The following LARGE1 variants were observed in gnomAD, a reference collection of about 807,000 sequenced individuals.
LARGE1 encodes the protein LARGE xylosyl- and glucuronyltransferase 1.
In LARGE1, 43 loss-of-function variants were observed where a neutral mutation model predicts 87.6. The ratio of observed to expected loss-of-function variants is 0.49; its 90% CI spans 0.38 to 0.63. The LOEUF (loss-of-function observed/expected upper bound fraction) is 0.63. Ranked by LOEUF, LARGE1 falls within the 30% of genes least tolerant of loss-of-function variation. LARGE1 has a pLI of 0.00. For synonymous variants in LARGE1, 434 were observed against 394.6 expected (o/e 1.10, Z -1.18); for missense variants, 802 against 1,000.2 (o/e 0.80, Z 2.67).
intron 6 of LARGE1, among the ~76,000 whole-genome samples, chr22:33,544,901 C>T (rs1386720538): frequency 6.6e-6 from 1 of 152,112 alleles, no homozygotes; most frequent in African/African-American, 2.4e-5. Flanking sequence ...ATCAACACCC[C>T]TCAAACACAC....
chr22:33,302,607 T>C (rs1308266437), intron 12 of LARGE1, among the ~76,000 whole-genome samples: 1 of 152,074 alleles, frequency 6.6e-6, no homozygotes, highest in Non-Finnish European at 1.5e-5. Context: ...GAAGCTCTTT[T>C]CAGAGAGAAA....
intron 12 of LARGE1, among the ~76,000 whole-genome samples, chr22:33,293,808 T>C (rs997909112): frequency 2.6e-5 from 4 of 152,338 alleles, no homozygotes; most frequent in South Asian, 4.1e-4. Context: ...GAGCCTCCTA[T>C]ACTGGCTATT....
At chr22:33,915,046 G>GAGAC (rs1555892461) in intron 1 of LARGE1, among the ~76,000 whole-genome samples, 22 of 123,046 alleles carry the variant, frequency 1.8e-4, no homozygotes, top group Admixed American at 3.4e-4. Flanking sequence ...CACACACAGA[G>GAGAC]AGAGAGAGAG....
At chr22:33,853,632 T>C (rs1014388526) in intron 1 of LARGE1, among the ~76,000 whole-genome samples, 2 of 152,214 alleles carry the variant, frequency 1.3e-5, no homozygotes, top group Non-Finnish European at 2.9e-5. Context: ...TCACAGACAG[T>C]TGTGAGGCTT....
intron 1 of LARGE1, among the ~76,000 whole-genome samples, chr22:33,764,561 C>A (rs1318434254): frequency 6.6e-6 from 1 of 152,008 alleles, no homozygotes; most frequent in African/African-American, 2.4e-5. Context: ...AGTTTGAGAC[C>A]AGCCTGGCCA....
At chr22:33,825,238 C>G (rs905830022) in intron 1 of LARGE1, among the ~76,000 whole-genome samples, 9 of 152,152 alleles carry the variant, frequency 5.9e-5, no homozygotes, top group African/African-American at 2.2e-4. Flanking sequence ...TTCCAGAGAA[C>G]AGTTTGTTCA....
intron 2 of LARGE1, among the ~76,000 whole-genome samples, chr22:33,667,976 C>A (rs2081313292): frequency 6.6e-6 from 1 of 152,134 alleles, no homozygotes; most frequent in Admixed American, 6.5e-5. Flanking sequence ...GTACAGAATT[C>A]CTTTCCTATT....
chr22:33,272,146 G>T (rs189083069), downstream of LARGE1, among the ~76,000 whole-genome samples: 1 of 152,310 alleles, frequency 6.6e-6, no homozygotes, highest in East Asian at 1.9e-4. Context: ...AATTAAAAAT[G>T]GATTTTTAAC....
At chr22:33,315,638 CT>C (rs1268381367) in intron 11 of LARGE1, among the ~76,000 whole-genome samples, 1 of 150,728 alleles carries the variant, frequency 6.6e-6, no homozygotes, top group African/African-American at 2.4e-5. Flanking sequence ...CTTTTTTTTT[CT>C]TTTTTTTAAA....
chr22:33,207,192 T>C (rs16991968), intron 11 of LARGE1, among the ~76,000 whole-genome samples: 39,342 of 152,040 alleles, frequency 0.26, 5,458 homozygotes, highest in South Asian at 0.4. Context: ...CATACCCTCT[T>C]CAGTCCAAAG....
chr22:33,646,286 G>A (rs1288035183), intron 3 of LARGE1, among the ~76,000 whole-genome samples: 1 of 152,104 alleles, frequency 6.6e-6, no homozygotes, highest in African/African-American at 2.4e-5. Flanking sequence ...TCCTTTGTGG[G>A]GACATGAATG....
At chr22:33,877,340 T>C (rs537374610) in intron 1 of LARGE1, among the ~76,000 whole-genome samples, 77 of 152,258 alleles carry the variant, frequency 5.1e-4, no homozygotes, top group Non-Finnish European at 9.1e-4. Flanking sequence ...AGGTATAAAC[T>C]ACCCAGTCTA....
intron 7 of LARGE1, among the ~76,000 whole-genome samples, chr22:33,409,208 G>A (rs925133212): frequency 2.0e-5 from 3 of 152,148 alleles, no homozygotes; most frequent in Admixed American, 6.6e-5. Flanking sequence ...TAAAGGAGAT[G>A]CGGCAGGCAA....
chr22:33,461,561 G>A (rs979203675), intron 6 of LARGE1, among the ~76,000 whole-genome samples: 2 of 150,962 alleles, frequency 1.3e-5, no homozygotes, highest in African/African-American at 4.9e-5. Context: ...TAAATGACGA[G>A]TTAATGGGTG....
At chr22:33,466,186 C>T (rs1270721571) in intron 6 of LARGE1, among the ~76,000 whole-genome samples, 1 of 152,174 alleles carries the variant, frequency 6.6e-6, no homozygotes, top group Admixed American at 6.5e-5. Context: ...GAAATGCTCA[C>T]CCCAACTCTT....
intron 9 of LARGE1, among the ~76,000 whole-genome samples, chr22:33,343,611 T>C (rs1939411828): frequency 6.6e-6 from 1 of 152,188 alleles, no homozygotes; most frequent in Non-Finnish European, 1.5e-5. Flanking sequence ...GCTTAGTAGA[T>C]GTAATGGACT....
At chr22:33,523,332 T>C (rs1433859162) in intron 6 of LARGE1, among the ~76,000 whole-genome samples, 1 of 152,014 alleles carries the variant, frequency 6.6e-6, no homozygotes, top group Non-Finnish European at 1.5e-5. Context: ...TTTATTTGCA[T>C]TCCTTTCTTT....
intron 11 of LARGE1, among the ~76,000 whole-genome samples, chr22:33,261,425 G>A (rs1302618668): frequency 6.6e-6 from 1 of 152,060 alleles, no homozygotes. Flanking sequence ...CTCCTTAGAC[G>A]ATCTTATGCT....
intron 2 of LARGE1, among the ~76,000 whole-genome samples, chr22:33,693,546 G>C (rs1038805947): frequency 2.0e-5 from 3 of 152,124 alleles, no homozygotes; most frequent in East Asian, 1.9e-4. Context: ...TCAACCCATG[G>C]CTGGGGCGGT....
Sources: allele counts gnomAD v4.1 joint callset (sites outside exome capture counted in the v4.1 genomes callset), GRCh38; gene constraint gnomAD v4.1.1; transcripts MANE v1.5; gene names NCBI Gene and HGNC (gene_info 2026-07-23, HGNC 2026-07-21).